The following PCSK6 variants were observed in gnomAD, a reference collection of about 807,000 sequenced individuals.
The protein encoded by PCSK6 is paired basic amino acid cleaving enzyme 4.
PCSK6 carries 85 observed loss-of-function variants against 123.3 expected under a neutral mutation model. The ratio of observed to expected loss-of-function variants is 0.69; its 90% CI spans 0.58 to 0.83. The LOEUF (loss-of-function observed/expected upper bound fraction) is 0.83. Ranked by LOEUF, PCSK6 falls within the 40% of genes least tolerant of loss-of-function variation. PCSK6 has a pLI of 0.00. For synonymous variants in PCSK6, 508 were observed against 516.0 expected, an observed-to-expected ratio of 0.98 and a Z score of 0.21; for missense variants, 1,191 against 1,282.3, an observed-to-expected ratio of 0.93 and a Z score of 1.09.
At chr15:101,352,137 A>ATTTTT (rs56844456) in intron 13 of PCSK6, among the ~76,000 whole-genome samples, 11 of 97,012 alleles carry the variant, frequency 1.1e-4, no homozygotes, top group African/African-American at 1.7e-4. Context: ...TATTTTTCTA[A>ATTTTT]TTTTTTTTTT....
rs904182032 is a variant in PCSK6 at position 101,303,988 on chromosome 15, T to A, written c.*1270A>T. 9 of 152,648 alleles carry A rather than the reference T, an allele frequency of 5.9e-5. No individual in the cohort carries two copies. The highest frequency in any genetic ancestry group is 2.2e-4 in the African/African-American group (9 of 41,456). 9.5% of individuals were successfully genotyped at this position (152,648 alleles called of 1,614,324 possible). A position where few individuals can be genotyped will look rare whatever the true frequency, so the allele number is the denominator to read the frequency against. On this transcript the variant is annotated 3_prime_UTR_variant, in exon 22 of 22. Transcript: ENST00000611716. Reference sequence around the variant, plus strand: ...TTAACATTGTACTTGCTTCATTGATTTCTCTTTCAGAGTTGTAGATTCAAT... The same window carrying A: ...TTAACATTGTACTTGCTTCATTGATATCTCTTTCAGAGTTGTAGATTCAAT...
At chr15:101,428,978 G>A (rs1005249795) in intron 5 of PCSK6, among the ~76,000 whole-genome samples, 2 of 152,226 alleles carry the variant, frequency 1.3e-5, no homozygotes, top group African/African-American at 4.8e-5. Flanking sequence ...ATGAGGCTGG[G>A]CTGCTGCAGG....
intron 1 of PCSK6, among the ~76,000 whole-genome samples, chr15:101,473,844 C>T (rs986673755): frequency 6.6e-6 from 1 of 152,106 alleles, no homozygotes; most frequent in Non-Finnish European, 1.5e-5. Flanking sequence ...CATTGCACTC[C>T]ACCCTGAGTG....
rs530694027 is a variant in PCSK6, at chr15:101,386,542, C to T, written c.1311-2117G>A. On this transcript the variant is annotated intron_variant, in intron 9 of 21. Transcript: ENST00000611716. ...CGCTCCTTCTGCAGCCCCTGGCAGG[C>T]ACCACGCTACTTTCTGTCTCTATGA... is the stretch of plus-strand genomic sequence containing the variant. Among the ~76,000 whole-genome samples the T allele has an allele frequency of 3.9e-5, 6 of 152,358 alleles. 2 individuals carry two copies. The highest frequency in any genetic ancestry group is 1.3e-4 in the Admixed American group (2 of 15,310).
At chr15:101,341,329 A>T (rs2040603394) in intron 13 of PCSK6, among the ~76,000 whole-genome samples, 1 of 149,588 alleles carries the variant, frequency 6.7e-6, no homozygotes, top group African/African-American at 2.5e-5. Context: ...GCTCACTGCA[A>T]CCTCTGCCTC....
At chr15:101,412,434 G>A (rs1008255571) in intron 6 of PCSK6, among the ~76,000 whole-genome samples, 17 of 151,676 alleles carry the variant, frequency 1.1e-4, no homozygotes, top group African/African-American at 2.9e-4. Context: ...TAATTTTTAA[G>A]GATATACTAG....
chr15:101,382,286 C>G (rs753825965), intron 10 of PCSK6, 77 bp from the exon 11 acceptor site: 3 of 1,176,326 alleles, frequency 2.6e-6, no homozygotes, highest in Non-Finnish European at 3.7e-6. Context: ...TTGCATCTGC[C>G]GGGCCCCATG....
chr15:101,331,196 C>T lies in PCSK6; in HGVS notation c.2077+455G>A, dbSNP rs2040363859. On this transcript the variant is annotated intron_variant, in intron 15 of 21. Coordinates refer to ENST00000611716, the MANE Select transcript of PCSK6 (RefSeq NM_002570.5). ...GCCGCCTTGTGGAGTGAACTGGCGGCCCCAAACCAGGGCCCACCTTGGCAA... is the reference window on the plus strand; with the variant it reads ...GCCGCCTTGTGGAGTGAACTGGCGGTCCCAAACCAGGGCCCACCTTGGCAA... Among the ~76,000 whole-genome samples, 3 of 152,180 alleles carry T rather than the reference C, an allele frequency of 2.0e-5. No individual in the cohort carries two copies. In the South Asian group the frequency reaches 6.2e-4, roughly 31 times the overall value.
intron 6 of PCSK6, among the ~76,000 whole-genome samples, chr15:101,420,122 T>C (rs1187842536): frequency 3.7e-4 from 52 of 139,406 alleles, no homozygotes; most frequent in South Asian, 2.3e-4. Context: ...ACCCAGGAGG[T>C]GGAGGTTGCA....
chr15:101,445,399 G>A (rs2056862337), intron 1 of PCSK6, among the ~76,000 whole-genome samples: 1 of 152,228 alleles, frequency 6.6e-6, no homozygotes, highest in Admixed American at 6.5e-5. Context: ...GTGTGAAAGA[G>A]CTAGCAGAGA....
At chr15:101,483,171 C>A (rs2057933267) in intron 1 of PCSK6, among the ~76,000 whole-genome samples, 1 of 152,208 alleles carries the variant, frequency 6.6e-6, no homozygotes, top group Non-Finnish European at 1.5e-5. Flanking sequence ...AGAACTAGGT[C>A]ACAGGTGACT....
At chr15:101,404,658 T>C (rs1047128853) in intron 6 of PCSK6, among the ~76,000 whole-genome samples, 4 of 152,234 alleles carry the variant, frequency 2.6e-5, no homozygotes, top group African/African-American at 9.6e-5. Flanking sequence ...CTCTAAATCA[T>C]GTTTCTTACA....
At chr15:101,401,312 G>A (rs992638906) in intron 6 of PCSK6, among the ~76,000 whole-genome samples, 7 of 152,210 alleles carry the variant, frequency 4.6e-5, no homozygotes, top group Non-Finnish European at 8.8e-5. Context: ...AGCCTACTAT[G>A]AGCAGTAGGA....
intron 13 of PCSK6, among the ~76,000 whole-genome samples, chr15:101,355,302 A>G (rs1337144209): frequency 6.6e-6 from 1 of 152,270 alleles, no homozygotes; most frequent in African/African-American, 2.4e-5. Flanking sequence ...GAACCATGAA[A>G]TAAGATACAT....
chr15:101,370,562 GCATGAAGTCTCAC>G, intron 11 of PCSK6, 39 bp from the exon 12 acceptor site: 1 of 1,398,310 alleles, frequency 7.2e-7, no homozygotes, highest in Non-Finnish European at 9.4e-7. Flanking sequence ...GGCACCGGAA[GCATGAAGTCTCAC>G]CCACACAGCC....
intron 13 of PCSK6, among the ~76,000 whole-genome samples, chr15:101,351,979 G>A (rs1419259756): frequency 1.3e-5 from 2 of 151,984 alleles, no homozygotes; most frequent in Non-Finnish European, 2.9e-5. Context: ...CACTATAATG[G>A]GAGAGTTGAG....
At chr15:101,396,939 T>C (rs985926770) in intron 7 of PCSK6, among the ~76,000 whole-genome samples, 6 of 151,952 alleles carry the variant, frequency 3.9e-5, no homozygotes, top group Admixed American at 2.6e-4. Flanking sequence ...TATTTGGTCA[T>C]TGGTTTCTCA....
chr15:101,404,843 T>C (rs1405091962), intron 6 of PCSK6, among the ~76,000 whole-genome samples: 1 of 152,206 alleles, frequency 6.6e-6, no homozygotes, highest in Non-Finnish European at 1.5e-5. Flanking sequence ...TCTGATGCTC[T>C]AAGTGGTGAA....
intron 6 of PCSK6, among the ~76,000 whole-genome samples, chr15:101,411,228 G>A (rs77318071): frequency 0.014 from 2,132 of 152,242 alleles, 44 homozygotes; most frequent in African/African-American, 0.047. Flanking sequence ...AAGGTGCCAG[G>A]CTGGGCGTGC....
Sources: allele counts gnomAD v4.1 joint callset (sites outside exome capture counted in the v4.1 genomes callset), GRCh38; gene constraint gnomAD v4.1.1; transcripts MANE v1.5; gene names NCBI Gene and HGNC (gene_info 2026-07-23, HGNC 2026-07-21).